Variants in C1orf115 observed in about 807,000 individuals in gnomAD.
The protein encoded by C1orf115 is chromosome 1 open reading frame 115.
A neutral mutation model predicts 12.5 loss-of-function variants in C1orf115; 14 were observed. The observed-to-expected ratio is 1.12, with a 90% CI of 0.74 to 1.75. The LOEUF (loss-of-function observed/expected upper bound fraction) is 1.75. C1orf115 is among the 40% of genes most tolerant of loss of function. The probability of loss-of-function intolerance (pLI) is 0.00; values close to 1 mark genes in which losing one functional copy is unlikely to be tolerated. For missense variants in C1orf115, 237 were observed against 220.8 expected, an observed-to-expected ratio of 1.07 and a Z score of -0.46; for synonymous variants, 109 against 104.6, an observed-to-expected ratio of 1.04 and a Z score of -0.26.
chr1:220,690,843 C>G lies in C1orf115; in HGVS notation c.309+132C>G, dbSNP rs529943392. The G allele has an allele frequency of 3.0e-5, 34 of 1,116,436 alleles. No individual in the cohort carries two copies. The African/African-American group carries it at 5.5e-4, about 18-fold the overall frequency. The allele number at this position is 1,116,436 out of a possible 1,614,324, so 69.2% of individuals were successfully genotyped here. On this transcript the variant is annotated intron_variant, in intron 1 of 1. Coordinates refer to ENST00000294889, the MANE Select transcript of C1orf115 (RefSeq NM_024709.5). Reference sequence around the variant, plus strand: ...CCTGCGACCCCTCCGCCCCCGCTCCCATTCCCTCGCCGGAGGGAAGCCGCG... The same window carrying G: ...CCTGCGACCCCTCCGCCCCCGCTCCGATTCCCTCGCCGGAGGGAAGCCGCG...
rs150364380 is a variant in C1orf115, at chr1:220,696,698, G to A, written c.396G>A (p.Ala132=). Residue 132 remains alanine (A), a synonymous_variant, in exon 2 of 2, where the codon GCG becomes GCA. Coordinates refer to ENST00000294889, the MANE Select transcript of C1orf115 (RefSeq NM_024709.5). ...GFAAAYSAPF[A]VATSVVSFVR ...CTGCAGCCTACTCCGCCCCGTTTGC[G>A]GTAGCCACCAGCGTGGTATCCTTCG... 98 of 1,599,226 alleles carry A rather than the reference G, an allele frequency of 6.1e-5. No homozygotes were observed. The highest frequency in any genetic ancestry group is 7.8e-5 in the Non-Finnish European group (91 of 1,167,724).
At chr1:220,693,995 G>A (rs763609107) in intron 1 of C1orf115, among the ~76,000 whole-genome samples, 1 of 148,514 alleles carries the variant, frequency 6.7e-6, no homozygotes, top group South Asian at 2.1e-4. Flanking sequence ...CAGGAGAATC[G>A]CTTGAACCTG....
chr1:220,691,581 G>A (rs1419754098), intron 1 of C1orf115, among the ~76,000 whole-genome samples: 1 of 152,186 alleles, frequency 6.6e-6, no homozygotes, highest in Non-Finnish European at 1.5e-5. Context: ...TGGGAGCTTA[G>A]GTTTATCATC....
At chr1:220,690,840 TC>T in intron 1 of C1orf115, 129 bp downstream of exon 1, 1 of 1,118,520 alleles carries the variant, frequency 8.9e-7, no homozygotes, top group Non-Finnish European at 1.2e-6. Context: ...CCGCCCCCGC[TC>T]CCATTCCCTC....
rs1670080616 is a variant in C1orf115, at chr1:220,690,452, G to A, written c.50G>A (p.Arg17His). ...LRSKAESSLL[R>H]RGPRGRGRTE... ...AGCAAGGCGGAGAGCAGCCTCCTGC[G>A]CCGCGGGCCCCGAGGGCGAGGGCGA... Residue 17 changes from arginine (R) to histidine (H), a missense_variant, in exon 1 of 2, where the codon CGC (arginine) becomes CAC (histidine). Coordinates refer to ENST00000294889, the MANE Select transcript of C1orf115 (RefSeq NM_024709.5). 6.9e-7 allele frequency: 1 copy of A among 1,448,542 alleles called. No homozygotes were observed. The highest frequency in any genetic ancestry group is 9.0e-7 in the Non-Finnish European group (1 of 1,107,720). The allele number at this position is 1,448,542 out of a possible 1,614,324, so 89.7% of individuals were successfully genotyped here. A position where few individuals can be genotyped will look rare whatever the true frequency, so the allele number is the denominator to read the frequency against.
In C1orf115 at chr1:220,696,813, C is replaced by A; in HGVS notation, c.*82C>A. On this transcript the variant is annotated 3_prime_UTR_variant, in exon 2 of 2. Coordinates refer to ENST00000294889, the MANE Select transcript of C1orf115 (RefSeq NM_024709.5). ...TTTGTGAATCCTGGAGCATCTCAGA[C>A]TTGAACACACAGCATATTTGGAAGA... 2 of 1,466,308 alleles carry A rather than the reference C, an allele frequency of 1.4e-6. No homozygotes were observed. Among genetic ancestry groups the A allele is most frequent in the Non-Finnish European group, 1.8e-6 (2 of 1,084,764 alleles). The allele number at this position is 1,466,308 out of a possible 1,614,324, so 90.8% of individuals were successfully genotyped here.
chr1:220,691,236 A>G (rs901041431), intron 1 of C1orf115, among the ~76,000 whole-genome samples: 5 of 151,646 alleles, frequency 3.3e-5, no homozygotes, highest in Admixed American at 6.6e-5. Context: ...CGCTCGTTGA[A>G]TTTTTCTCGT....
intron 1 of C1orf115, 106 bp from the exon 2 acceptor site, chr1:220,696,506 G>T (rs2102518236): frequency 1.5e-6 from 2 of 1,293,294 alleles, no homozygotes; most frequent in East Asian, 2.4e-5. Context: ...CAGGAAAAAT[G>T]ATCTTTATAT....
At position 220,690,538 on chromosome 1, in the gene C1orf115, G is replaced by A. The variant is rs1339401394; in HGVS notation, c.136G>A (p.Glu46Lys). The part of the protein sequence containing the change: ...LEHLEYADEA[E>K]AAAESGTSAA... The stretch of plus-strand genomic sequence containing the variant: ...GCACCTGGAGTACGCGGACGAGGCG[G>A]AGGCGGCGGCCGAGAGCGGGACGAG... Residue 46 changes from glutamate (E) to lysine (K), a missense_variant, in exon 1 of 2, where the codon GAG (glutamate) becomes AAG (lysine). Coordinates refer to ENST00000294889, the MANE Select transcript of C1orf115 (RefSeq NM_024709.5). The A allele has an allele frequency of 4.8e-6, 7 of 1,448,180 alleles. No homozygotes were observed. The highest frequency in any genetic ancestry group is 2.9e-5 in the East Asian group (1 of 34,944). The allele number at this position is 1,448,180 out of a possible 1,614,324, so 89.7% of individuals were successfully genotyped here. A position where few individuals can be genotyped will look rare whatever the true frequency, so the allele number is the denominator to read the frequency against.
At chr1:220,693,272 A>G (rs993528724) in intron 1 of C1orf115, among the ~76,000 whole-genome samples, 1 of 152,352 alleles carries the variant, frequency 6.6e-6, no homozygotes, top group African/African-American at 2.4e-5. Flanking sequence ...CCAGTTAATG[A>G]ACTATTTTAG....
rs1254845149 is a variant in C1orf115 at position 220,696,857 on chromosome 1, G to A, written c.*126G>A. 7.1e-6 allele frequency: 9 copies of A among 1,261,376 alleles called. No individual in the cohort carries two copies. Among genetic ancestry groups the A allele is most frequent in the African/African-American group, 1.5e-5 (1 of 67,266 alleles). 78.1% of individuals were successfully genotyped at this position (1,261,376 alleles called of 1,614,324 possible). A position where few individuals can be genotyped will look rare whatever the true frequency, so the allele number is the denominator to read the frequency against. On this transcript the variant is annotated 3_prime_UTR_variant, in exon 2 of 2. Coordinates refer to ENST00000294889, the MANE Select transcript of C1orf115 (RefSeq NM_024709.5). ...TGGAAGAGAAAACATGCCTTTCTTT[G>A]TTGAATCACATTAGTATGATGAGTG...
chr1:220,690,449 T>A lies in C1orf115; in HGVS notation c.47T>A (p.Leu16Gln). 1 of 1,448,720 alleles carries A rather than the reference T, an allele frequency of 6.9e-7. No homozygotes were observed. The highest frequency in any genetic ancestry group is 9.0e-7 in the Non-Finnish European group (1 of 1,108,126). The allele number at this position is 1,448,720 out of a possible 1,614,324, so 89.7% of individuals were successfully genotyped here. Residue 16 changes from leucine (L) to glutamine (Q), a missense_variant, in exon 1 of 2, where the codon CTG (leucine) becomes CAG (glutamine). Transcript: ENST00000294889. Reference sequence around the variant, plus strand: ...CGAAGCAAGGCGGAGAGCAGCCTCCTGCGCCGCGGGCCCCGAGGGCGAGGG... The same window carrying A: ...CGAAGCAAGGCGGAGAGCAGCCTCCAGCGCCGCGGGCCCCGAGGGCGAGGG... Reference protein sequence around the residue: ...RLRSKAESSLLRRGPRGRGRT... With the variant: ...RLRSKAESSLQRRGPRGRGRT...
chr1:220,696,722 C>T lies in C1orf115; in HGVS notation c.420C>T (p.Phe140=), dbSNP rs762749655. 30 of 1,590,166 alleles carry T rather than the reference C, an allele frequency of 1.9e-5. No homozygotes were observed. The highest frequency in any genetic ancestry group is 5.0e-5 in the Admixed American group (3 of 59,664). Residue 140 remains phenylalanine (F), a synonymous_variant, in exon 2 of 2, where the codon TTC becomes TTT. Coordinates refer to ENST00000294889, the MANE Select transcript of C1orf115 (RefSeq NM_024709.5). The part of the protein sequence containing the change: ...PFAVATSVVS[F]VR ...CGGTAGCCACCAGCGTGGTATCCTT[C>T]GTGCGCTAATGGGAGCTGCTGTGGC...
intron 1 of C1orf115, among the ~76,000 whole-genome samples, chr1:220,696,376 A>G (rs918955848): frequency 1.3e-5 from 2 of 152,220 alleles, no homozygotes; most frequent in Non-Finnish European, 2.9e-5. Context: ...GCTGTGCTTG[A>G]AAGCACTTTG....
At position 220,696,606 on chromosome 1, in the gene C1orf115, C is replaced by T. The variant is rs202158195; in HGVS notation, c.310-6C>T. On this transcript the variant is annotated splice_region_variant and splice_polypyrimidine_tract_variant and intron_variant, in intron 1 of 1. Coordinates refer to ENST00000294889, the MANE Select transcript of C1orf115 (RefSeq NM_024709.5). ...CTTTGCTTTTCTCTTTTATTCCTAA[C>T]ACTAGAATGTCGGGAAGGTCATCAT... is the stretch of plus-strand genomic sequence containing the variant. 1.3e-6 allele frequency: 2 copies of T among 1,577,436 alleles called. No individual in the cohort carries two copies. Among genetic ancestry groups the T allele is most frequent in the East Asian group, 2.3e-5 (1 of 43,930 alleles).
At chr1:220,690,828 C>T in intron 1 of C1orf115, 117 bp downstream of exon 1, 1 of 1,214,106 alleles carries the variant, frequency 8.2e-7, no homozygotes, top group Non-Finnish European at 1.1e-6. Context: ...CCTGCGACCC[C>T]TCCGCCCCCG....
At chr1:220,691,042 A>G (rs1225920790) in intron 1 of C1orf115, among the ~76,000 whole-genome samples, 2 of 152,196 alleles carry the variant, frequency 1.3e-5, no homozygotes, top group Non-Finnish European at 2.9e-5. Context: ...CTGAAGCGTT[A>G]GCGCGGCAGG....
chr1:220,696,267 G>GT (rs1670192632), intron 1 of C1orf115, among the ~76,000 whole-genome samples: 1 of 152,226 alleles, frequency 6.6e-6, no homozygotes, highest in Non-Finnish European at 1.5e-5. Context: ...GAGAAGAGGA[G>GT]TGATCTTTGG....
In C1orf115 at chr1:220,696,754, C is replaced by A. The variant is rs764610908; in HGVS notation, c.*23C>A. On this transcript the variant is annotated 3_prime_UTR_variant, in exon 2 of 2. Transcript: ENST00000294889. ...TAATGGGAGCTGCTGTGGCAGGTGCCCCCAGAGTGAACGGGAGCCCCTGCT... is the reference window on the plus strand; with the variant it reads ...TAATGGGAGCTGCTGTGGCAGGTGCACCCAGAGTGAACGGGAGCCCCTGCT... The A allele has an allele frequency of 1.3e-6, 2 of 1,564,094 alleles. No homozygotes were observed. Among genetic ancestry groups the A allele is most frequent in the East Asian group, 2.3e-5 (1 of 43,794 alleles).
Sources: allele counts gnomAD v4.1 joint callset (sites outside exome capture counted in the v4.1 genomes callset), GRCh38; gene constraint gnomAD v4.1.1; transcripts MANE v1.5; gene names NCBI Gene and HGNC (gene_info 2026-07-23, HGNC 2026-07-21).